FAM168A: variants seen among roughly 807,000 people sequenced by gnomAD.
The protein encoded by FAM168A is family with sequence similarity 168 member A, also known as protein FAM168A.
FAM168A carries 3 observed loss-of-function variants against 28.5 expected under a neutral mutation model. The observed-to-expected ratio is 0.11, with a 90% CI of 0.05 to 0.27. The LOEUF is 0.27. Ranked by LOEUF, FAM168A falls within the 10% of genes least tolerant of loss-of-function variation. FAM168A has a pLI of 1.00. For synonymous variants in FAM168A, 122 were observed against 124.2 expected, an observed-to-expected ratio of 0.98 and a Z score of 0.12; for missense variants, 222 against 311.5, an observed-to-expected ratio of 0.71 and a Z score of 2.16.
At chr11:73,413,907 AG>A (rs1422579041) in intron 4 of FAM168A, among the ~76,000 whole-genome samples, 1 of 152,184 alleles carries the variant, frequency 6.6e-6, no homozygotes, top group African/African-American at 2.4e-5. Context: ...CTCTAAAAAA[AG>A]AAAAAAACTT....
chr11:73,544,835 A>G (rs1390684564), intron 1 of FAM168A, among the ~76,000 whole-genome samples: 2 of 94,026 alleles, frequency 2.1e-5, no homozygotes, highest in East Asian at 2.4e-4. Flanking sequence ...TATTATATAT[A>G]ATATATATTA....
intron 2 of FAM168A, among the ~76,000 whole-genome samples, chr11:73,459,930 G>C (rs748500016): frequency 6.9e-6 from 1 of 143,968 alleles, no homozygotes; most frequent in Non-Finnish European, 1.5e-5. Context: ...GCCCAGGCTG[G>C]AGTGCAGTGG....
At chr11:73,437,724 A>C (rs1035424419) in intron 2 of FAM168A, among the ~76,000 whole-genome samples, 2 of 151,368 alleles carry the variant, frequency 1.3e-5, no homozygotes, top group African/African-American at 4.8e-5. Flanking sequence ...CAAGACACAG[A>C]GGTTGCAGTG....
chr11:73,586,250 C>T (rs1008298860), intron 1 of FAM168A, among the ~76,000 whole-genome samples: 1 of 152,146 alleles, frequency 6.6e-6, no homozygotes, highest in Non-Finnish European at 1.5e-5. Context: ...ATAGGCTCAA[C>T]ATCTCTGAGC....
At chr11:73,552,850 G>A (rs1275939489) in intron 1 of FAM168A, among the ~76,000 whole-genome samples, 5 of 151,958 alleles carry the variant, frequency 3.3e-5, no homozygotes, top group Non-Finnish European at 7.4e-5. Flanking sequence ...CCAGCTACTC[G>A]GGAGACTGAG....
At chr11:73,592,852 T>C (rs1944398147) in intron 1 of FAM168A, among the ~76,000 whole-genome samples, 1 of 145,404 alleles carries the variant, frequency 6.9e-6, no homozygotes, top group Non-Finnish European at 1.5e-5. Flanking sequence ...CAGGACAACA[T>C]AGCGAGACCC....
At chr11:73,468,812 G>T (rs1659958712) in intron 1 of FAM168A, among the ~76,000 whole-genome samples, 1 of 152,340 alleles carries the variant, frequency 6.6e-6, no homozygotes. Context: ...CATTGGCCAT[G>T]TCACTTCCCC....
chr11:73,560,944 G>A (rs1353327966), intron 1 of FAM168A, among the ~76,000 whole-genome samples: 3 of 151,722 alleles, frequency 2.0e-5, no homozygotes, highest in Admixed American at 6.6e-5. Context: ...ACCTGTAGTT[G>A]CAGCTACTCA....
intron 1 of FAM168A, among the ~76,000 whole-genome samples, chr11:73,576,011 C>T (rs532932241): frequency 1.3e-5 from 2 of 152,194 alleles, no homozygotes; most frequent in Non-Finnish European, 1.5e-5. Flanking sequence ...TAGGATATTC[C>T]AAATATAATG....
At chr11:73,560,852 C>G (rs113990402) in intron 1 of FAM168A, among the ~76,000 whole-genome samples, 2 of 152,088 alleles carry the variant, frequency 1.3e-5, no homozygotes, top group African/African-American at 4.8e-5. Context: ...AGCCTGAGAC[C>G]AGGAGTTCAA....
At chr11:73,480,828 C>A (rs1436705012) in intron 1 of FAM168A, among the ~76,000 whole-genome samples, 1 of 152,198 alleles carries the variant, frequency 6.6e-6, no homozygotes, top group Non-Finnish European at 1.5e-5. Flanking sequence ...GTCCAGTGTT[C>A]TTTCTATGAT....
chr11:73,464,420 T>C (rs1867701030), intron 2 of FAM168A, among the ~76,000 whole-genome samples: 1 of 152,086 alleles, frequency 6.6e-6, no homozygotes, highest in Non-Finnish European at 1.5e-5. Context: ...TTGAGAGTTG[T>C]ATCTTTTGTT....
At chr11:73,532,577 G>C (rs1943526526) in intron 1 of FAM168A, among the ~76,000 whole-genome samples, 2 of 152,124 alleles carry the variant, frequency 1.3e-5, no homozygotes, top group Admixed American at 1.3e-4. Flanking sequence ...TCCACTAAAG[G>C]AATCAGTTTT....
Position 73,548,461 on chromosome 11 carries a change from T to A in FAM168A, c.-19+49462A>T, listed in dbSNP as rs571154564. Among the ~76,000 whole-genome samples the A allele has an allele frequency of 1.1e-4, 17 of 152,260 alleles. No homozygotes were observed. In the South Asian group the frequency reaches 3.5e-3, roughly 32 times the overall value. ...GAAAAGTCAAATCACTTGCTCAAGA[T>A]CAAACAGCCAGGGGCTCCAAGACAG... On this transcript the variant is annotated intron_variant, in intron 1 of 7. Coordinates refer to ENST00000356467, the MANE Select transcript of FAM168A (RefSeq NM_015159.3).
intron 1 of FAM168A, among the ~76,000 whole-genome samples, chr11:73,567,237 G>A (rs1944031718): frequency 6.6e-6 from 1 of 152,160 alleles, no homozygotes; most frequent in African/African-American, 2.4e-5. Context: ...AGGAATATGA[G>A]AAGATAAGGA....
At chr11:73,459,184 A>G (rs546412694) in intron 2 of FAM168A, among the ~76,000 whole-genome samples, 1 of 151,924 alleles carries the variant, frequency 6.6e-6, no homozygotes, top group Non-Finnish European at 1.5e-5. Flanking sequence ...CCTGGGCTCA[A>G]GCAACCCTCC....
intron 2 of FAM168A, among the ~76,000 whole-genome samples, chr11:73,441,501 T>C (rs912708290): frequency 2.0e-5 from 3 of 152,252 alleles, no homozygotes; most frequent in Admixed American, 2.0e-4. Flanking sequence ...TGTCTTTGCC[T>C]GGTTTTGGTA....
At chr11:73,463,547 T>C (rs1403726339) in intron 2 of FAM168A, among the ~76,000 whole-genome samples, 1 of 152,130 alleles carries the variant, frequency 6.6e-6, no homozygotes, top group East Asian at 1.9e-4. Context: ...CTCAGAAGAA[T>C]GGTTTGCCAC....
chr11:73,536,051 T>C (rs1437294951), intron 1 of FAM168A, among the ~76,000 whole-genome samples: 4 of 152,036 alleles, frequency 2.6e-5, no homozygotes, highest in African/African-American at 9.7e-5. Context: ...TTCAGTGTGT[T>C]GCCCATGCTG....
Sources: allele counts gnomAD v4.1 joint callset (sites outside exome capture counted in the v4.1 genomes callset), GRCh38; gene constraint gnomAD v4.1.1; transcripts MANE v1.5; gene names NCBI Gene and HGNC (gene_info 2026-07-23, HGNC 2026-07-21).